The following CELF4 variants were observed in gnomAD, a reference collection of about 807,000 sequenced individuals.
CELF4 encodes the protein CUGBP Elav-like family member 4, also known as CUG-BP- and ETR-3-like factor 4.
CELF4 carries 18 observed loss-of-function variants against 59.9 expected under a neutral mutation model. The ratio of observed to expected loss-of-function variants is 0.30; its 90% CI spans 0.21 to 0.45. CELF4 has a LOEUF of 0.45. Among genes scored for constraint, CELF4 ranks in the 20% least tolerant of loss-of-function variants. The pLI is 1.00. For missense variants in CELF4, 456 were observed against 689.0 expected (o/e 0.66, Z 3.79); for synonymous variants, 261 against 267.1 (o/e 0.98, Z 0.22).
rs1241656274 is a variant in CELF4, at chr18:37,253,461, C to T, written c.*44+306G>A. Among the ~76,000 whole-genome samples the T allele has an allele frequency of 6.6e-6, 1 of 152,186 alleles. No individual in the cohort carries two copies. The highest frequency in any genetic ancestry group is 1.5e-5 in the Non-Finnish European group (1 of 68,022). Reference sequence around the variant, plus strand: ...CTTGCCACCTGTTCACCCCAGGGTTCTCTGGCCAACAGGACTGCCAATGTA... The same window carrying T: ...CTTGCCACCTGTTCACCCCAGGGTTTTCTGGCCAACAGGACTGCCAATGTA... On this transcript the variant is annotated intron_variant, in intron 12 of 12. Coordinates refer to ENST00000420428, the MANE Select transcript of CELF4 (RefSeq NM_020180.4). The surrounding 1 kb of genome is among the most constrained non-coding windows in gnomAD (Gnocchi z 4.5).
chr18:37,518,433 G>A (rs2099953414), intron 1 of CELF4, among the ~76,000 whole-genome samples: 2 of 152,122 alleles, frequency 1.3e-5, no homozygotes. Flanking sequence ...AAAGGAAAGG[G>A]ACTCAAAAAT....
chr18:37,498,269 T>G (rs928637523), intron 1 of CELF4, among the ~76,000 whole-genome samples: 1 of 151,956 alleles, frequency 6.6e-6, no homozygotes, highest in African/African-American at 2.4e-5. Flanking sequence ...GCTTTCTCAC[T>G]TTCTGTTCTT....
intron 2 of CELF4, among the ~76,000 whole-genome samples, chr18:37,395,861 C>T (rs1475250195): frequency 6.6e-6 from 1 of 152,142 alleles, no homozygotes; most frequent in Non-Finnish European, 1.5e-5. Context: ...GTGTGAACTC[C>T]CCAGCCTGGG....
intron 2 of CELF4, among the ~76,000 whole-genome samples, chr18:37,470,414 C>T (rs1022849657): frequency 2.0e-5 from 3 of 152,094 alleles, no homozygotes; most frequent in African/African-American, 7.2e-5. Context: ...CTGAGCACAC[C>T]CCATAATATG....
At chr18:37,332,222 T>C (rs748301150) in intron 2 of CELF4, among the ~76,000 whole-genome samples, 7 of 152,116 alleles carry the variant, frequency 4.6e-5, no homozygotes, top group Admixed American at 6.5e-5. Context: ...TTCTTGGTTG[T>C]AGAATGACCC....
chr18:37,391,763 C>T (rs956934419), intron 2 of CELF4, among the ~76,000 whole-genome samples: 4 of 152,222 alleles, frequency 2.6e-5, no homozygotes, highest in Non-Finnish European at 4.4e-5. Flanking sequence ...CCACCAAGGG[C>T]AGATGGCAGG....
chr18:37,353,233 A>AAAAAATATATATATATATAT (rs71168258), intron 2 of CELF4, among the ~76,000 whole-genome samples: 193 of 106,818 alleles, frequency 1.8e-3, no homozygotes, highest in Non-Finnish European at 2.9e-3. Context: ...AAAAAAAAAA[A>AAAAAATATATATATATATAT]ATATATATAT....
chr18:37,408,492 CG>C (rs200662747), intron 2 of CELF4, among the ~76,000 whole-genome samples: 3 of 112,298 alleles, frequency 2.7e-5, no homozygotes, highest in African/African-American at 1.1e-4. Context: ...TGGTTGGTGC[CG>C]GGGGGGGGCG....
intron 2 of CELF4, among the ~76,000 whole-genome samples, chr18:37,379,079 A>G (rs1049024757): frequency 2.0e-5 from 3 of 152,142 alleles, no homozygotes; most frequent in African/African-American, 7.2e-5. Context: ...TTAGGCTAGG[A>G]GATGAGCCTC....
chr18:37,538,462 G>A (rs1055873258), intron 1 of CELF4, among the ~76,000 whole-genome samples: 1 of 152,076 alleles, frequency 6.6e-6, no homozygotes, highest in African/African-American at 2.4e-5. Context: ...TCTGGCTCTC[G>A]ACTCCTTCAG....
At chr18:37,453,834 C>T (rs1483189647) in intron 2 of CELF4, among the ~76,000 whole-genome samples, 1 of 152,190 alleles carries the variant, frequency 6.6e-6, no homozygotes, top group Non-Finnish European at 1.5e-5. Flanking sequence ...ACCACCCTGG[C>T]ACCTAATAAT....
At chr18:37,533,339 T>C (rs941385324) in intron 1 of CELF4, among the ~76,000 whole-genome samples, 6 of 152,194 alleles carry the variant, frequency 3.9e-5, no homozygotes, top group Admixed American at 3.3e-4. Context: ...TTGCCTCCAC[T>C]ACGGCAGGTG....
intron 1 of CELF4, among the ~76,000 whole-genome samples, chr18:37,542,724 A>G (rs906809457): frequency 1.3e-5 from 2 of 152,226 alleles, no homozygotes; most frequent in African/African-American, 4.8e-5. Flanking sequence ...TATTATGATT[A>G]TGATTATTAT....
At chr18:37,461,044 T>C (rs1158072216) in intron 2 of CELF4, among the ~76,000 whole-genome samples, 1 of 152,218 alleles carries the variant, frequency 6.6e-6, no homozygotes, top group African/African-American at 2.4e-5. Flanking sequence ...AGTGTGTCCA[T>C]TTCACTCAAC....
intron 2 of CELF4, among the ~76,000 whole-genome samples, chr18:37,331,321 C>G (rs575191900): frequency 5.6e-4 from 85 of 152,218 alleles, no homozygotes; most frequent in African/African-American, 1.9e-3. Flanking sequence ...AAGTCACAAG[C>G]CTTTGCCTCC....
At chr18:37,442,288 C>T (rs116333671) in intron 2 of CELF4, among the ~76,000 whole-genome samples, 2,889 of 152,194 alleles carry the variant, frequency 0.019, 98 homozygotes, top group African/African-American at 0.066. Context: ...CTTGCCAAGT[C>T]GTGACATAAA....
intron 2 of CELF4, among the ~76,000 whole-genome samples, chr18:37,417,837 C>T (rs1393599963): frequency 6.6e-6 from 1 of 152,204 alleles, no homozygotes; most frequent in Non-Finnish European, 1.5e-5. Flanking sequence ...CCTGCAAAGA[C>T]CATTCAGAGC....
intron 1 of CELF4, among the ~76,000 whole-genome samples, chr18:37,500,362 G>T (rs184926048): frequency 1.3e-5 from 2 of 152,152 alleles, no homozygotes; most frequent in East Asian, 3.9e-4. Context: ...GCCGAGGAGG[G>T]GTGTTGTGGA....
chr18:37,441,156 T>C (rs937632512), intron 2 of CELF4, among the ~76,000 whole-genome samples: 1 of 152,050 alleles, frequency 6.6e-6, no homozygotes, highest in African/African-American at 2.4e-5. Flanking sequence ...TTTTTAAAGA[T>C]CTCCCAGCCA....
Sources: allele counts gnomAD v4.1 joint callset (sites outside exome capture counted in the v4.1 genomes callset), GRCh38; gene constraint gnomAD v4.1.1; non-coding constraint Gnocchi (gnomAD v3.1); transcripts MANE v1.5; gene names NCBI Gene and HGNC (gene_info 2026-07-23, HGNC 2026-07-21).